NAGK: variants seen among roughly 807,000 people sequenced by gnomAD.
The protein encoded by NAGK is N-acetylglucosamine kinase.
A neutral mutation model predicts 42.9 loss-of-function variants in NAGK; 35 were observed. The ratio of observed to expected loss-of-function variants is 0.82; its 90% CI spans 0.62 to 1.08. The LOEUF (loss-of-function observed/expected upper bound fraction) is 1.08. NAGK is among the 50% of genes least tolerant of loss of function. The pLI, the probability that NAGK is intolerant of heterozygous loss-of-function variation, is 0.00. For missense variants in NAGK, 446 were observed against 446.0 expected (o/e 1.00, Z 0.00); for synonymous variants, 172 against 176.0 (o/e 0.98, Z 0.18).
In NAGK at chr2:71,071,691, ATC is replaced by A. The variant is rs1672009438; in HGVS notation, c.223_224del (p.Leu75GlufsTer25). 1.2e-6 allele frequency: 2 copies of A among 1,613,080 alleles called. No individual in the cohort carries two copies. Among genetic ancestry groups the A allele is most frequent in the South Asian group, 1.1e-5 (1 of 90,992 alleles). On this transcript the variant is annotated frameshift_variant, in exon 4 of 10. Transcript: ENST00000244204. LOFTEE classifies it high-confidence loss of function. ...TCACCTCCCGCGTGGCCTAGGGCCT[ATC>A]TCTGAGCGGTGGGGACCAGGAGGAC... ...PLVPLRSLGL[S>X]LSGGDQEDAG...
At chr2:71,071,609 C>T in intron 3 of NAGK, 77 bp from the exon 4 acceptor site, 1 of 1,503,676 alleles carries the variant, frequency 6.7e-7, no homozygotes, top group Non-Finnish European at 8.9e-7. Flanking sequence ...AGGAATCAGG[C>T]ATCAGGAGGG....
intron 5 of NAGK, 162 bp from the exon 6 acceptor site, chr2:71,073,320 T>TGCCCC: frequency 5.1e-6 from 2 of 391,484 alleles, no homozygotes; most frequent in East Asian, 5.9e-5. Context: ...ATAGAGACCC[T>TGCCCC]CCCACCCCCC....
chr2:71,074,902 C>T (rs11890583), intron 6 of NAGK: 19,112 of 151,654 alleles, frequency 0.13, 1,296 homozygotes, highest in East Asian at 0.24. Context: ...GGTGACAGAG[C>T]GAGACTCTGC....
chr2:71,071,290 A>G (rs1420517018), intron 3 of NAGK: 3 of 276,760 alleles, frequency 1.1e-5, no homozygotes, highest in Non-Finnish European at 1.4e-5. Flanking sequence ...TCTTTCTCCC[A>G]AGTTGCGGTA....
Position 71,078,328 on chromosome 2 carries a change from G to A in NAGK, c.855G>A (p.Leu285=). Residue 285 remains leucine, a synonymous_variant, in exon 10 of 10, where the codon CTG becomes CTA. Transcript: ENST00000244204. ...TGTTCTTCCCTCCAGGTTTTCTTCT[G>A]GCGCTGACCCAGGGCAGAGAGATCC... ...SWELLKEGFL[L]ALTQGREIQA... The A allele has an allele frequency of 2.5e-6, 4 of 1,614,054 alleles. No homozygotes were observed. Among genetic ancestry groups the A allele is most frequent in the Non-Finnish European group, 3.4e-6 (4 of 1,179,978 alleles).
rs74846874 is a variant in NAGK at position 71,075,832 on chromosome 2, A to G, written c.667+190A>G. ...GCAGAAGGGCACGTGGGTCGTGTTG[A>G]CAGTTTTGTATTACCTGTGTTTTTT... On this transcript the variant is annotated intron_variant, in intron 7 of 9. Transcript: ENST00000244204. 9.4e-4 allele frequency: 562 copies of G among 596,794 alleles called. 9 individuals carry two copies. The East Asian group carries it at 0.015, about 16-fold the overall frequency. The allele number at this position is 596,794 out of a possible 1,614,324, so 37.0% of individuals were successfully genotyped here.
upstream of NAGK, chr2:71,068,300 G>C (rs1169560870): frequency 4.3e-6 from 2 of 461,310 alleles, no homozygotes; most frequent in Admixed American, 4.6e-5. Flanking sequence ...CCTAACGCGG[G>C]ACTGCCAGCA....
chr2:71,073,592 C>G lies in NAGK; in HGVS notation c.577C>G (p.Gln193Glu). The G allele has an allele frequency of 6.2e-7, 1 of 1,609,270 alleles. No individual in the cohort carries two copies. Among genetic ancestry groups the G allele is most frequent in the Non-Finnish European group, 8.5e-7 (1 of 1,175,572 alleles). Reference protein sequence around the residue: ...YVKQAMFHYFQVPDRLGILTH... With the variant: ...YVKQAMFHYFEVPDRLGILTH... The stretch of plus-strand genomic sequence containing the variant: ...CAAACAGGCCATGTTCCACTATTTC[C>G]AGGTACTCCTCCTGCTCCCAGTAAA... The change falls in exon 6 of 10, where the codon CAG becomes GAG. Residue 193 changes from glutamine (Q) to glutamate (E), a missense_variant and splice_region_variant. By Grantham distance (29) the Gln-to-Glu change is conservative (BLOSUM62 2). Coordinates refer to ENST00000244204, the MANE Select transcript of NAGK (RefSeq NM_017567.6).
At position 71,073,491 on chromosome 2, in the gene NAGK, T is replaced by C. The variant is rs1672098893; in HGVS notation, c.476T>C (p.Ile159Thr). The C allele has an allele frequency of 6.2e-7, 1 of 1,613,748 alleles. No homozygotes were observed. The highest frequency in any genetic ancestry group is 8.5e-7 in the Non-Finnish European group (1 of 1,179,662). The stretch of plus-strand genomic sequence containing the variant: ...TCTCTGCTCCCTGCAGCCTACTGGA[T>C]CGCACACCAAGCAGTGAAAATAGTG... ...MMGDEGSAYW[I>T]AHQAVKIVFD... The change falls in exon 6 of 10, where the codon ATC becomes ACC. Residue 159 changes from isoleucine (I) to threonine (T), a missense_variant. Coordinates refer to ENST00000244204, the MANE Select transcript of NAGK (RefSeq NM_017567.6).
upstream of NAGK, chr2:71,068,326 C>T (rs961038136): frequency 5.6e-6 from 3 of 532,022 alleles, no homozygotes; most frequent in Non-Finnish European, 3.0e-6. Flanking sequence ...CGGGCGTTTA[C>T]AGGCAGGCAG....
intron 3 of NAGK, chr2:71,071,139 C>T (rs1861854): frequency 0.26 from 104,045 of 395,756 alleles, 15,444 homozygotes; most frequent in East Asian, 0.56. Context: ...GCCTCAGTTT[C>T]CTCATTTGGA....
chr2:71,072,759 CACTG>C lies in NAGK; in HGVS notation c.466+13_466+16del, dbSNP rs759363649. On this transcript the variant is annotated intron_variant, in intron 5 of 9. Coordinates refer to ENST00000244204, the MANE Select transcript of NAGK (RefSeq NM_017567.6). ...TGGGTGATGAGGGTTCAGGTGAGCT[CACTG>C]ACTGGCCCAGCTCCAGGTCCTGGAT... 6.2e-7 allele frequency: 1 copy of C among 1,608,604 alleles called. No homozygotes were observed. Among genetic ancestry groups the C allele is most frequent in the Non-Finnish European group, 8.5e-7 (1 of 1,175,382 alleles).
In NAGK at chr2:71,071,702, G is replaced by GTGGGGACCAGGAGGAC. The variant is rs747448765; in HGVS notation, c.231_246dup (p.Ala83TrpfsTer23). 6.2e-7 allele frequency: 1 copy of GTGGGGACCAGGAGGAC among 1,613,644 alleles called. No homozygotes were observed. Among genetic ancestry groups the GTGGGGACCAGGAGGAC allele is most frequent in the South Asian group, 1.1e-5 (1 of 91,046 alleles). On this transcript the variant is annotated frameshift_variant, in exon 4 of 10. Coordinates refer to ENST00000244204, the MANE Select transcript of NAGK (RefSeq NM_017567.6). LOFTEE classifies it high-confidence loss of function. ...GTGGCCTAGGGCCTATCTCTGAGCG[G>GTGGGGACCAGGAGGAC]TGGGGACCAGGAGGACGCGGGGAGG...
chr2:71,069,234 A>G, intron 1 of NAGK: 1 of 406,164 alleles, frequency 2.5e-6, no homozygotes, highest in Non-Finnish European at 3.3e-6. Context: ...CTTTCACTAG[A>G]TTGCATTTTT....
intron 6 of NAGK, chr2:71,075,259 A>G: frequency 5.5e-6 from 1 of 181,282 alleles, no homozygotes. Flanking sequence ...CCTAAAAAGG[A>G]AAAAAAAAAA....
At position 71,077,570 on chromosome 2, in the gene NAGK, G is replaced by C. The variant is rs775222297; in HGVS notation, c.778G>C (p.Gly260Arg). 1 of 1,608,600 alleles carries C rather than the reference G, an allele frequency of 6.2e-7. No homozygotes were observed. The highest frequency in any genetic ancestry group is 1.1e-5 in the South Asian group (1 of 89,692). Residue 260 changes from glycine to arginine, a missense_variant, in exon 9 of 10, where the codon GGC (glycine) becomes CGC (arginine). Coordinates refer to ENST00000244204, the MANE Select transcript of NAGK (RefSeq NM_017567.6). Reference protein sequence around the residue: ...LPEIDPVLFQGKIGLPILCVG... With the variant: ...LPEIDPVLFQRKIGLPILCVG... ...GCTCTCCACCCAGGTCTTGTTCCAG[G>C]GCAAGATTGGACTCCCCATCCTGTG...
upstream of NAGK, chr2:71,068,408 C>T (rs1420900306): frequency 1.7e-6 from 2 of 1,206,072 alleles, no homozygotes; most frequent in Admixed American, 3.7e-5. Flanking sequence ...GGATTAGTGT[C>T]CATCTCTGGA....
In NAGK at chr2:71,068,683, C is replaced by T. The variant is rs534103170; in HGVS notation, c.-1C>T. On this transcript the variant is annotated 5_prime_UTR_variant, in exon 1 of 10. Transcript: ENST00000244204. ...GGACCAGCAGCGACGGTAGCAGCAG[C>T]ATGGCCGCGATCTATGGGGGTGTAG... 3 of 1,519,158 alleles carry T rather than the reference C, an allele frequency of 2.0e-6. No homozygotes were observed. The highest frequency in any genetic ancestry group is 2.6e-6 in the Non-Finnish European group (3 of 1,133,618). 94.1% of individuals were successfully genotyped at this position (1,519,158 alleles called of 1,614,324 possible). A position where few individuals can be genotyped will look rare whatever the true frequency, so the allele number is the denominator to read the frequency against.
rs77907098 is a variant in NAGK at position 71,072,866 on chromosome 2, C to G, written c.466+115C>G. On this transcript the variant is annotated intron_variant, in intron 5 of 9. Transcript: ENST00000244204. ...CCCTTGGGGCTTCCTGGGGACAACT[C>G]CTGAACCTGGCCATTCCATGTGCAG... 5.9e-5 allele frequency: 54 copies of G among 917,888 alleles called. No individual in the cohort carries two copies. In the African/African-American group the frequency reaches 8.7e-4, roughly 15 times the overall value. The allele number at this position is 917,888 out of a possible 1,614,324, so 56.9% of individuals were successfully genotyped here. A position where few individuals can be genotyped will look rare whatever the true frequency, so the allele number is the denominator to read the frequency against.
Sources: allele counts gnomAD v4.1 joint callset, GRCh38; gene constraint gnomAD v4.1.1; transcripts MANE v1.5; gene names NCBI Gene and HGNC (gene_info 2026-07-23, HGNC 2026-07-21).